MSR1: variants seen among roughly 807,000 people sequenced by gnomAD.
The protein encoded by MSR1 is macrophage scavenger receptor 1.
Under a neutral mutation model 47.2 loss-of-function variants are expected in MSR1, and 53 were observed. The ratio of observed to expected loss-of-function variants is 1.12; its 90% CI spans 0.90 to 1.41. The LOEUF (loss-of-function observed/expected upper bound fraction) is 1.41, where lower values mean the gene tolerates loss of function less well. Among genes scored for constraint, MSR1 ranks in the 40% most tolerant of loss-of-function variants. The pLI is 0.00. For synonymous variants in MSR1, 239 were observed against 185.6 expected (o/e 1.29, Z -2.34); for missense variants, 786 against 546.9 (o/e 1.44, Z -4.36).
intron 8 of MSR1, among the ~76,000 whole-genome samples, chr8:16,125,624 T>C (rs1800111092): frequency 6.6e-6 from 1 of 152,126 alleles, no homozygotes; most frequent in South Asian, 2.1e-4. Context: ...GACATAAGAA[T>C]AGTACATACA....
chr8:16,144,165 AG>A (rs1800636097), intron 7 of MSR1, among the ~76,000 whole-genome samples: 1 of 152,076 alleles, frequency 6.6e-6, no homozygotes, highest in South Asian at 2.1e-4. Context: ...CCATTTATAC[AG>A]GGGTGTGGTA....
chr8:16,112,436 TG>T (rs538247159), intron 9 of MSR1, among the ~76,000 whole-genome samples: 4 of 152,146 alleles, frequency 2.6e-5, no homozygotes, highest in Non-Finnish European at 5.9e-5. Context: ...GTGATATTCA[TG>T]GGTTACATAG....
chr8:16,182,594 T>A (rs970792527), intron 1 of MSR1, among the ~76,000 whole-genome samples: 5 of 152,070 alleles, frequency 3.3e-5, no homozygotes, highest in Admixed American at 3.3e-4. Context: ...TTCTTTAACT[T>A]TTTTGTTGAT....
At chr8:16,140,922 T>C in intron 8 of MSR1, 2 of 1,612,160 alleles carry the variant, frequency 1.2e-6, no homozygotes, top group Non-Finnish European at 1.7e-6. Context: ...TGGAAGTCAG[T>C]TGTGCAGATG....
intron 1 of MSR1, among the ~76,000 whole-genome samples, chr8:16,187,434 G>A (rs1461866692): frequency 6.9e-6 from 1 of 144,452 alleles, no homozygotes; most frequent in Non-Finnish European, 1.5e-5. Context: ...GACTGTTCCT[G>A]AACATCCATT....
At position 16,108,328 on chromosome 8, in the gene MSR1, T is replaced by C. The variant is rs1335265986; in HGVS notation, c.*1757A>G. On this transcript the variant is annotated 3_prime_UTR_variant, in exon 10 of 10. Coordinates refer to ENST00000262101, the MANE Select transcript of MSR1 (RefSeq NM_138715.3). ...AATACTAATAGTTAATACTAACAGTTAACACTAATAGTTAATACTATTGAC... is the reference window on the plus strand; with the variant it reads ...AATACTAATAGTTAATACTAACAGTCAACACTAATAGTTAATACTATTGAC... 1.3e-5 allele frequency: 2 copies of C among 151,202 alleles called. No individual in the cohort carries two copies. The highest frequency in any genetic ancestry group is 4.8e-5 in the African/African-American group (2 of 41,258). The allele number at this position is 151,202 out of a possible 1,614,324, so 9.4% of individuals were successfully genotyped here. A position where few individuals can be genotyped will look rare whatever the true frequency, so the allele number is the denominator to read the frequency against.
chr8:16,110,508 A>T (rs2117042573), intron 9 of MSR1, among the ~76,000 whole-genome samples: 1 of 152,240 alleles, frequency 6.6e-6, no homozygotes, highest in Admixed American at 6.5e-5. Context: ...AGGATTTGAC[A>T]AATTAGTTTT....
At chr8:16,141,308 T>C (rs1314367352) in intron 8 of MSR1, among the ~76,000 whole-genome samples, 1 of 152,162 alleles carries the variant, frequency 6.6e-6, no homozygotes, top group Non-Finnish European at 1.5e-5. Flanking sequence ...TATTAAAAAG[T>C]ATTCCCACAA....
At chr8:16,153,613 T>C (rs1382297629) in intron 6 of MSR1, among the ~76,000 whole-genome samples, 1 of 151,930 alleles carries the variant, frequency 6.6e-6, no homozygotes, top group Non-Finnish European at 1.5e-5. Context: ...ATTTATAACA[T>C]TAACACAAGC....
Position 16,191,145 on chromosome 8 carries a change from G to C in MSR1, c.-5+1453C>G, listed in dbSNP as rs10113572. On this transcript the variant is annotated intron_variant, in intron 1 of 9. Transcript: ENST00000262101. ...CAGCAGTTGAATGTGTATATAAAAT[G>C]AAAATTAAATTAAGATTATTTGTGA... Among the ~76,000 whole-genome samples, 423 of 152,252 alleles carry C rather than the reference G, an allele frequency of 2.8e-3. 3 individuals carry two copies. Among genetic ancestry groups the C allele is most frequent in the African/African-American group, 1.0e-2 (415 of 41,538 alleles).
chr8:16,139,249 A>G, intron 8 of MSR1: 1 of 983,180 alleles, frequency 1.0e-6, no homozygotes, highest in Non-Finnish European at 1.2e-6. Flanking sequence ...ATTACAGATT[A>G]AAAATGTCTG....
intron 3 of MSR1, among the ~76,000 whole-genome samples, chr8:16,170,819 C>T (rs898410440): frequency 2.0e-5 from 3 of 152,154 alleles, no homozygotes; most frequent in African/African-American, 4.8e-5. Context: ...GAACAAGTTA[C>T]TTATCGCTCT....
At chr8:16,174,263 T>C (rs2117199126) in intron 3 of MSR1, among the ~76,000 whole-genome samples, 1 of 152,154 alleles carries the variant, frequency 6.6e-6, no homozygotes, top group East Asian at 1.9e-4. Context: ...TTTGTTGTTG[T>C]TGTTAAACTG....
intron 5 of MSR1, among the ~76,000 whole-genome samples, chr8:16,160,352 G>C (rs902236185): frequency 6.6e-6 from 1 of 151,994 alleles, no homozygotes; most frequent in Admixed American, 6.6e-5. Context: ...CAGGAAGAAT[G>C]ACACTGCTAT....
chr8:16,120,431 A>AGCT lies in MSR1; in HGVS notation c.1206_1208dup (p.Ala403dup). On this transcript the variant is annotated inframe_insertion, in exon 9 of 10. Transcript: ENST00000262101. ...TCTTTAAATTACCTTGTCCAAAGTG[A>AGCT]GCTGCCTTGTGCACGGCTTGAACAC... The AGCT allele has an allele frequency of 6.2e-7, 1 of 1,613,872 alleles. No homozygotes were observed.
At chr8:16,137,118 G>T (rs1376499138) in intron 8 of MSR1, among the ~76,000 whole-genome samples, 1 of 152,068 alleles carries the variant, frequency 6.6e-6, no homozygotes, top group Non-Finnish European at 1.5e-5. Flanking sequence ...GGCTGAGCCC[G>T]TTAGCAAAAT....
At chr8:16,137,833 A>T (rs1800429062) in intron 8 of MSR1, among the ~76,000 whole-genome samples, 1 of 151,762 alleles carries the variant, frequency 6.6e-6, no homozygotes, top group African/African-American at 2.4e-5. Context: ...TTTTATTTTT[A>T]TTTTTTTAAA....
At chr8:16,146,966 A>G (rs1179552343) in intron 7 of MSR1, among the ~76,000 whole-genome samples, 1 of 152,190 alleles carries the variant, frequency 6.6e-6, no homozygotes, top group Non-Finnish European at 1.5e-5. Flanking sequence ...AATGAACTAC[A>G]TATGGTGTAA....
chr8:16,134,775 A>T (rs1340622732), intron 8 of MSR1, among the ~76,000 whole-genome samples: 1 of 152,216 alleles, frequency 6.6e-6, no homozygotes, highest in African/African-American at 2.4e-5. Context: ...AGTTCTTGAA[A>T]GCAATTAAAA....
Sources: gnomAD v4.1 joint callset for allele counts (sites outside exome capture counted in the v4.1 genomes callset) on GRCh38, gnomAD v4.1.1 for gene constraint, MANE v1.5 for transcripts, NCBI Gene and HGNC (gene_info 2026-07-23, HGNC 2026-07-21) for gene names.